Variants in SLC49A4 observed in about 807,000 individuals in gnomAD.
The protein encoded by SLC49A4 is solute carrier family 49 member 4, also known as disrupted in renal cancer protein 2.
SLC49A4 carries 36 observed loss-of-function variants against 50.6 expected under a neutral mutation model. The observed-to-expected ratio is 0.71, with a 90% confidence interval of 0.55 to 0.94. The LOEUF is 0.94. SLC49A4 is among the 40% of genes least tolerant of loss of function. SLC49A4 has a pLI of 0.00. For missense variants in SLC49A4, 503 were observed against 605.7 expected, an observed-to-expected ratio of 0.83 and a Z score of 1.78; for synonymous variants, 248 against 241.2, an observed-to-expected ratio of 1.03 and a Z score of -0.26.
chr3:122,816,351 T>G (rs13314128), intron 2 of SLC49A4, among the ~76,000 whole-genome samples: 82,674 of 151,704 alleles, frequency 0.54, 23,082 homozygotes, highest in Non-Finnish European at 0.61. Flanking sequence ...TTTATATCTC[T>G]CTTGTGCCAT....
intron 8 of SLC49A4, among the ~76,000 whole-genome samples, chr3:122,873,185 T>TTC (rs1456586281): frequency 9.3e-6 from 1 of 107,420 alleles, no homozygotes; most frequent in East Asian, 5.7e-4. Context: ...TTTTGAAACT[T>TTC]TTTTTTTTTT....
intron 2 of SLC49A4, among the ~76,000 whole-genome samples, chr3:122,818,911 C>T (rs913420849): frequency 1.3e-5 from 2 of 151,804 alleles, no homozygotes; most frequent in Non-Finnish European, 2.9e-5. Flanking sequence ...CCACTGCACT[C>T]CAGCCTGGGC....
intron 3 of SLC49A4, among the ~76,000 whole-genome samples, chr3:122,831,445 A>AATGT (rs1936607638): frequency 1.3e-5 from 2 of 152,156 alleles, no homozygotes; most frequent in Admixed American, 1.3e-4. Flanking sequence ...AAAAAATACT[A>AATGT]AAGTACTGAT....
At chr3:122,810,451 G>A (rs1017851462) in intron 2 of SLC49A4, among the ~76,000 whole-genome samples, 1 of 152,152 alleles carries the variant, frequency 6.6e-6, no homozygotes, top group African/African-American at 2.4e-5. Flanking sequence ...TTACTCTATA[G>A]TGTGAAATAT....
At chr3:122,827,548 C>T (rs1196467895) in intron 3 of SLC49A4, among the ~76,000 whole-genome samples, 1 of 152,190 alleles carries the variant, frequency 6.6e-6, no homozygotes, top group Admixed American at 6.5e-5. Context: ...TATGTTTAGT[C>T]TGTTATCAGG....
rs560278865 is a variant in SLC49A4 at position 122,799,288 on chromosome 3, C to T, written c.343+3753C>T. Among the ~76,000 whole-genome samples the T allele has an allele frequency of 5.3e-5, 8 of 152,264 alleles. No individual in the cohort carries two copies. In the South Asian group the frequency reaches 1.0e-3, roughly 20 times the overall value. On this transcript the variant is annotated intron_variant, in intron 1 of 8. Transcript: ENST00000261038. ...GGAAGGGAATGTGATAGAGTGGTAT[C>T]ATACTTTACATAAGGTTTTAGGGAA... is the stretch of plus-strand genomic sequence containing the variant.
At chr3:122,879,096 A>G (rs982622512) in intron 8 of SLC49A4, among the ~76,000 whole-genome samples, 167 bp from the exon 9 acceptor site, 1 of 152,208 alleles carries the variant, frequency 6.6e-6, no homozygotes, top group Admixed American at 6.5e-5. Flanking sequence ...TACACACATC[A>G]CTTAGTCTCC....
chr3:122,859,992 A>G (rs1350704966), intron 6 of SLC49A4, 83 bp from the exon 7 acceptor site: 1 of 1,154,588 alleles, frequency 8.7e-7, no homozygotes, highest in African/African-American at 1.6e-5. Context: ...AAATTCCTCA[A>G]GTAGTTGTTA....
At chr3:122,853,601 A>G (rs1936950867) in intron 5 of SLC49A4, among the ~76,000 whole-genome samples, 1 of 152,110 alleles carries the variant, frequency 6.6e-6, no homozygotes, top group African/African-American at 2.4e-5. Flanking sequence ...TCCACCAAAA[A>G]TACAAAAAAT....
At chr3:122,799,785 C>G (rs1248834948) in intron 1 of SLC49A4, among the ~76,000 whole-genome samples, 1 of 152,060 alleles carries the variant, frequency 6.6e-6, no homozygotes, top group African/African-American at 2.4e-5. Context: ...AGATATGTGT[C>G]GAAAGTAGAT....
intron 3 of SLC49A4, among the ~76,000 whole-genome samples, chr3:122,829,874 CA>C (rs1560210443): frequency 6.6e-6 from 1 of 152,068 alleles, no homozygotes; most frequent in Admixed American, 6.5e-5. Flanking sequence ...ACAAGAAAAG[CA>C]AAAGATATCC....
rs547695651 is a variant in SLC49A4, at chr3:122,849,849, T to C, written c.942+3978T>C. 2.0e-4 allele frequency among the ~76,000 whole-genome samples: 31 copies of C among 152,250 alleles called. 1 individual carries two copies. In the South Asian group the frequency reaches 5.4e-3, roughly 26 times the overall value. ...GCTTTATGTAATCCCATTTGTCTGATTTTGCTTTTGTTGCCTGTGTTTTTG... is the reference window on the plus strand; with the variant it reads ...GCTTTATGTAATCCCATTTGTCTGACTTTGCTTTTGTTGCCTGTGTTTTTG... On this transcript the variant is annotated intron_variant, in intron 5 of 8. Transcript: ENST00000261038.
chr3:122,866,315 T>C (rs1049939101), intron 7 of SLC49A4, among the ~76,000 whole-genome samples: 4 of 152,076 alleles, frequency 2.6e-5, no homozygotes, highest in African/African-American at 9.7e-5. Context: ...ATGTTGGGAT[T>C]GCAGATGTGA....
At chr3:122,858,307 G>T (rs1289146141) in intron 6 of SLC49A4, among the ~76,000 whole-genome samples, 1 of 152,160 alleles carries the variant, frequency 6.6e-6, no homozygotes. Flanking sequence ...ACTCTGATTT[G>T]TACTAAAAGC....
At chr3:122,872,707 T>C (rs1305551062) in intron 8 of SLC49A4, 110 bp downstream of exon 8, 20 of 701,816 alleles carry the variant, frequency 2.8e-5, no homozygotes, top group Non-Finnish European at 4.4e-5. Flanking sequence ...CAAATTACTT[T>C]ATGTGAACTT....
At chr3:122,848,714 TG>T (rs59214810) in intron 5 of SLC49A4, among the ~76,000 whole-genome samples, 65,557 of 151,880 alleles carry the variant, frequency 0.43, 15,284 homozygotes, top group South Asian at 0.55. Flanking sequence ...TGTACATATT[TG>T]GGGGGGATAT....
chr3:122,803,736 A>T lies in SLC49A4; in HGVS notation c.344-3121A>T, dbSNP rs144693902. Among the ~76,000 whole-genome samples, 8 of 152,292 alleles carry T rather than the reference A, an allele frequency of 5.3e-5. No individual in the cohort carries two copies. The East Asian group carries it at 1.5e-3, about 29-fold the overall frequency. ...TGGGTTGTGGGGGAGGGATTTAGTC[A>T]ACTCTGCAGCCTGATTCTTTAGACA... On this transcript the variant is annotated intron_variant, in intron 1 of 8. Transcript: ENST00000261038.
chr3:122,840,314 G>A (rs1157539750), intron 4 of SLC49A4, among the ~76,000 whole-genome samples: 4 of 152,120 alleles, frequency 2.6e-5, no homozygotes, highest in African/African-American at 4.8e-5. Flanking sequence ...GTGCACCAAA[G>A]TCTCAGACTT....
intron 1 of SLC49A4, among the ~76,000 whole-genome samples, chr3:122,800,023 A>C (rs1207688608): frequency 6.6e-6 from 1 of 152,240 alleles, no homozygotes; most frequent in Non-Finnish European, 1.5e-5. Context: ...TGGATATACA[A>C]GTATGGAGTT....
Sources: allele counts gnomAD v4.1 joint callset (sites outside exome capture counted in the v4.1 genomes callset), GRCh38; gene constraint gnomAD v4.1.1; transcripts MANE v1.5; gene names NCBI Gene and HGNC (gene_info 2026-07-23, HGNC 2026-07-21).